Variants in DNAJC14 observed in about 807,000 individuals in gnomAD.
DNAJC14 encodes DnaJ heat shock protein family (Hsp40) member C14.
DNAJC14 carries 12 observed loss-of-function variants against 68.8 expected under a neutral mutation model. That is an observed-to-expected ratio of 0.17 (90% confidence interval 0.11 to 0.28). The LOEUF is 0.28. DNAJC14 is among the 10% of genes least tolerant of loss of function. DNAJC14 has a pLI of 1.00. For missense variants in DNAJC14, 764 were observed against 875.6 expected (o/e 0.87, Z 1.61); for synonymous variants, 350 against 321.5 (o/e 1.09, Z -0.95).
upstream of DNAJC14, chr12:55,830,392 C>T (rs979608271): frequency 6.6e-6 from 1 of 152,288 alleles, no homozygotes; most frequent in African/African-American, 2.4e-5. Flanking sequence ...GGTCCCCGTT[C>T]CGTCGGTCCC....
chr12:55,830,593 G>C (rs1269705842), upstream of DNAJC14: 1 of 152,300 alleles, frequency 6.6e-6, no homozygotes, highest in East Asian at 1.9e-4. Context: ...AGCTAGGGGG[G>C]CGCTGGGACC....
chr12:55,828,718 T>C lies in DNAJC14; in HGVS notation c.-56-4A>G. ...CCATCATGGTGTGTTCTGATGCCTG[T>C]AACAGATATCAAGGTGGAGACAGTC... On this transcript the variant is annotated splice_polypyrimidine_tract_variant and splice_region_variant and intron_variant, in intron 1 of 6. Transcript: ENST00000678005. 2 of 1,526,520 alleles carry C rather than the reference T, an allele frequency of 1.3e-6. No homozygotes were observed. The highest frequency in any genetic ancestry group is 8.8e-7 in the Non-Finnish European group (1 of 1,135,610). 94.6% of individuals were successfully genotyped at this position (1,526,520 alleles called of 1,614,324 possible).
intron 1 of DNAJC14, chr12:55,829,073 C>A (rs1466298794): frequency 4.0e-6 from 4 of 989,996 alleles, no homozygotes; most frequent in Non-Finnish European, 4.8e-6. Flanking sequence ...GGGGGCCATG[C>A]GGCCCTGGAG....
At position 55,827,413 on chromosome 12, in the gene DNAJC14, C is replaced by T. The variant is rs757311630; in HGVS notation, c.1246G>A (p.Val416Ile). 1.9e-6 allele frequency: 3 copies of T among 1,613,044 alleles called. No homozygotes were observed. Among genetic ancestry groups the T allele is most frequent in the South Asian group, 1.1e-5 (1 of 90,934 alleles). ...QNINRQGNAP[V>I]ASGRYCQPEE... The stretch of plus-strand genomic sequence containing the variant: ...GGCTGGCAGTAGCGCCCACTAGCTA[C>T]AGGTGCATTCCCCTGCCTATTAATA... The change falls in exon 2 of 7, where the codon GTA (valine) becomes ATA (isoleucine). Residue 416 changes from valine to isoleucine, a missense_variant. Val to Ile is a conservative substitution (Grantham distance 29). Coordinates refer to ENST00000678005, the MANE Select transcript of DNAJC14 (RefSeq NM_032364.6).
Position 55,823,102 on chromosome 12 carries a change from A to T in DNAJC14, c.1602T>A (p.Thr534=). 6.2e-7 allele frequency: 1 copy of T among 1,614,160 alleles called. No individual in the cohort carries two copies. Among genetic ancestry groups the T allele is most frequent in the Non-Finnish European group, 8.5e-7 (1 of 1,180,026 alleles). ...LQDDLKEAMN[T]MMCSRCQGKH... is the part of the protein sequence containing the mutation. ...TTCCTTGGCATCGGCTACACATCAT[A>T]GTATTCATTGCCTCCTTGAGGTCAT... Residue 534 remains threonine (T), a synonymous_variant, in exon 4 of 7, where the codon ACT becomes ACA. Coordinates refer to ENST00000678005, the MANE Select transcript of DNAJC14 (RefSeq NM_032364.6).
At position 55,828,101 on chromosome 12, in the gene DNAJC14, C is replaced by T. The variant is rs530359078; in HGVS notation, c.558G>A (p.Val186=). 6.2e-7 allele frequency: 1 copy of T among 1,601,204 alleles called. No homozygotes were observed. Among genetic ancestry groups the T allele is most frequent in the Non-Finnish European group, 8.5e-7 (1 of 1,174,460 alleles). Residue 186 remains valine (V), a synonymous_variant, in exon 2 of 7, where the codon GTG becomes GTA. Coordinates refer to ENST00000678005, the MANE Select transcript of DNAJC14 (RefSeq NM_032364.6). ...GGGATGGGGGTTTCTTTCCGCTGGA[C>T]ACACGTGAAAAATCACTGGGGAACT... is the stretch of plus-strand genomic sequence containing the variant. ...SLKFPSDFSR[V]SSGKKPPSRR...
chr12:55,825,835 C>A (rs562453967), intron 2 of DNAJC14, among the ~76,000 whole-genome samples: 2 of 151,796 alleles, frequency 1.3e-5, no homozygotes, highest in South Asian at 4.2e-4. Context: ...TAAGCCACCG[C>A]GCCTGGCCCT....
intron 1 of DNAJC14, 29 bp from the exon 2 acceptor site, chr12:55,828,743 C>T: frequency 6.8e-7 from 1 of 1,479,532 alleles, no homozygotes; most frequent in Middle Eastern, 2.5e-4. Context: ...TGGAGACAGT[C>T]AAGGATGAGA....
rs544962422 is a variant in DNAJC14, at chr12:55,826,740, C to T, written c.1407+512G>A. 1.6e-3 allele frequency among the ~76,000 whole-genome samples: 238 copies of T among 148,112 alleles called. 2 individuals carry two copies. Among genetic ancestry groups the T allele is most frequent in the African/African-American group, 5.8e-3 (231 of 40,154 alleles). On this transcript the variant is annotated intron_variant, in intron 2 of 6. Transcript: ENST00000678005. Reference sequence around the variant, plus strand: ...GCGTGAACCCGGGAGGCGGAGTTTGCGTGAGCCAAGATCACGCCACTGCAC... The same window carrying T: ...GCGTGAACCCGGGAGGCGGAGTTTGTGTGAGCCAAGATCACGCCACTGCAC...
chr12:55,829,386 A>G, intron 1 of DNAJC14, 103 bp downstream of exon 1: 1 of 981,156 alleles, frequency 1.0e-6, no homozygotes, highest in Non-Finnish European at 1.2e-6. Context: ...TGGAGGTTGC[A>G]GTGAACCGAG....
intron 4 of DNAJC14, 135 bp downstream of exon 4, chr12:55,822,935 G>C: frequency 6.8e-7 from 1 of 1,472,288 alleles, no homozygotes; most frequent in Non-Finnish European, 9.1e-7. Context: ...ATATGACAAA[G>C]GTAGAAACTT....
chr12:55,828,476 G>A lies in DNAJC14; in HGVS notation c.183C>T (p.His61=). 5 of 1,614,176 alleles carry A rather than the reference G, an allele frequency of 3.1e-6. No homozygotes were observed. Among genetic ancestry groups the A allele is most frequent in the Non-Finnish European group, 4.2e-6 (5 of 1,180,028 alleles). ...RCLTEHSGPK[H]TQHPNPAHWL... ...AATGGGCTGGGTTTGGGTGCTGTGT[G>A]TGCTTAGGACCAGAGTGCTCTGTGA... Residue 61 remains histidine (H), a synonymous_variant, in exon 2 of 7, where the codon CAC becomes CAT. Transcript: ENST00000678005.
At chr12:55,829,308 G>A (rs570256515) in intron 1 of DNAJC14, 181 bp downstream of exon 1, 2 of 868,438 alleles carry the variant, frequency 2.3e-6, no homozygotes, top group South Asian at 1.1e-4. Context: ...CGCCAGGCGT[G>A]GTGGCGCGCA....
At chr12:55,829,722 A>C, upstream of DNAJC14, 1 of 569,086 alleles carries the variant, frequency 1.8e-6, no homozygotes, top group Non-Finnish European at 2.2e-6. Flanking sequence ...GGCTGCGTCG[A>C]CTCCAAGGAG....
rs577015297 is a variant in DNAJC14, at chr12:55,825,466, GC to G, written c.1407+1785del. Among the ~76,000 whole-genome samples the G allele has an allele frequency of 2.8e-4, 42 of 151,268 alleles. No individual in the cohort carries two copies. The South Asian group carries it at 8.6e-3, about 31-fold the overall frequency. On this transcript the variant is annotated intron_variant, in intron 2 of 6. Coordinates refer to ENST00000678005, the MANE Select transcript of DNAJC14 (RefSeq NM_032364.6). ...TATCAACCTAATATCTACTTCTAATGCAATTTGATTGCATGCTTGTATTAAA... is the reference window on the plus strand; with the variant it reads ...TATCAACCTAATATCTACTTCTAATGAATTTGATTGCATGCTTGTATTAAA...
In DNAJC14 at chr12:55,828,664, C is replaced by T. The variant is rs1178593291; in HGVS notation, c.-6G>A. On this transcript the variant is annotated 5_prime_UTR_variant, in exon 2 of 7. Transcript: ENST00000678005. ...CCGGGGTGCTTCTGGGCCATGACCCCGGGGCTTCCTGAGGGTCTTAGGTCA... is the reference window on the plus strand; with the variant it reads ...CCGGGGTGCTTCTGGGCCATGACCCTGGGGCTTCCTGAGGGTCTTAGGTCA... 4 of 1,608,548 alleles carry T rather than the reference C, an allele frequency of 2.5e-6. No individual in the cohort carries two copies. The highest frequency in any genetic ancestry group is 1.7e-5 in the Admixed American group (1 of 59,658).
At position 55,823,220 on chromosome 12, in the gene DNAJC14, G is replaced by A. The variant is rs186781123; in HGVS notation, c.1515-31C>T. ...AGAAGAAATGCTTTGTAAGTCAGAA[G>A]GTATTGAGGGAGGGACAAAGGAAGA... On this transcript the variant is annotated intron_variant, in intron 3 of 6. Transcript: ENST00000678005. 118 of 1,613,826 alleles carry A rather than the reference G, an allele frequency of 7.3e-5. 1 individual carries two copies. In the African/African-American group the frequency reaches 1.4e-3, roughly 19 times the overall value.
At chr12:55,828,811 T>A (rs1445607869) in intron 1 of DNAJC14, 97 bp from the exon 2 acceptor site, 23 of 1,355,652 alleles carry the variant, frequency 1.7e-5, no homozygotes, top group Non-Finnish European at 2.1e-5. Flanking sequence ...TCCACCTCCC[T>A]TGTTTTCCCA....
Position 55,823,128 on chromosome 12 carries a change from C to G in DNAJC14, c.1576G>C (p.Asp526His). 4 of 1,614,206 alleles carry G rather than the reference C, an allele frequency of 2.5e-6. No individual in the cohort carries two copies. The highest frequency in any genetic ancestry group is 1.1e-5 in the South Asian group (1 of 91,090). ...SVNEFLSKLQ[D>H]DLKEAMNTMM... ...GTATTCATTGCCTCCTTGAGGTCATCTTGCAGCTTGGACAGAAACTCATTT... is the reference window on the plus strand; with the variant it reads ...GTATTCATTGCCTCCTTGAGGTCATGTTGCAGCTTGGACAGAAACTCATTT... The change falls in exon 4 of 7, where the codon GAT (aspartate) becomes CAT (histidine). Residue 526 changes from aspartate (D) to histidine (H), a missense_variant. Physicochemically the swap from Asp to His is moderately conservative, Grantham distance 81 (BLOSUM62 -1). Around this residue, in one of 4 missense-constraint regions of DNAJC14, gnomAD observed 110 missense variants for 162.7 expected, o/e 0.68. Transcript: ENST00000678005.
Sources: gnomAD v4.1 joint callset for allele counts (sites outside exome capture counted in the v4.1 genomes callset) on GRCh38, gnomAD v4.1.1 for gene constraint, gnomAD v4.1.1 regional missense constraint, MANE v1.5 for transcripts, NCBI Gene and HGNC (gene_info 2026-07-23, HGNC 2026-07-21) for gene names.